Variants in CTNNA3 observed in about 807,000 individuals in gnomAD.
The protein encoded by CTNNA3 is catenin alpha 3.
In CTNNA3, 76 loss-of-function variants were observed where a neutral mutation model predicts 95.7. That is an observed-to-expected ratio of 0.79 (90% CI 0.66 to 0.96). The LOEUF is 0.96. Ranked by LOEUF, CTNNA3 falls within the 40% of genes least tolerant of loss-of-function variation. CTNNA3 has a pLI of 0.00. For synonymous variants in CTNNA3, 431 were observed against 374.4 expected, an observed-to-expected ratio of 1.15 and a Z score of -1.74; for missense variants, 1,191 against 1,089.8, an observed-to-expected ratio of 1.09 and a Z score of -1.31.
At chr10:67,488,166 G>A (rs1848519088) in intron 5 of CTNNA3, among the ~76,000 whole-genome samples, 1 of 152,086 alleles carries the variant, frequency 6.6e-6, no homozygotes, top group African/African-American at 2.4e-5. Context: ...GGAGAGGAAG[G>A]GAAAGACAGG....
chr10:66,024,428 C>T (rs1459316256), intron 15 of CTNNA3, among the ~76,000 whole-genome samples: 1 of 152,116 alleles, frequency 6.6e-6, no homozygotes, highest in Admixed American at 6.6e-5. Context: ...TACCCAAAGT[C>T]GTTGATACAG....
intron 12 of CTNNA3, among the ~76,000 whole-genome samples, chr10:66,282,869 A>G (rs1038298492): frequency 3.3e-5 from 5 of 151,912 alleles, no homozygotes; most frequent in Non-Finnish European, 7.4e-5. Flanking sequence ...TGCAGTAAAT[A>G]AATGATCGAA....
At chr10:67,648,931 T>A in intron 1 of CTNNA3, 1 of 321,672 alleles carries the variant, frequency 3.1e-6, no homozygotes, top group Non-Finnish European at 4.5e-6. Flanking sequence ...TTGATTTTGC[T>A]TTTTCAATCA....
At chr10:66,505,100 G>T (rs946945003) in intron 11 of CTNNA3, among the ~76,000 whole-genome samples, 2 of 152,102 alleles carry the variant, frequency 1.3e-5, no homozygotes, top group African/African-American at 4.8e-5. Context: ...AGGACTCCCA[G>T]TTATGGCTTT....
chr10:66,570,575 C>T (rs1211713334), intron 10 of CTNNA3, among the ~76,000 whole-genome samples: 4 of 152,022 alleles, frequency 2.6e-5, no homozygotes, highest in Non-Finnish European at 4.4e-5. Context: ...GCGTGAGCCA[C>T]CGCACCCAGC....
chr10:66,344,045 G>A (rs1028754617), intron 12 of CTNNA3, among the ~76,000 whole-genome samples: 3 of 151,186 alleles, frequency 2.0e-5, no homozygotes, highest in Non-Finnish European at 3.0e-5. Flanking sequence ...TGACCAACAT[G>A]GTGAAACCCT....
chr10:66,862,684 T>A (rs1843988680), intron 7 of CTNNA3, among the ~76,000 whole-genome samples: 1 of 152,182 alleles, frequency 6.6e-6, no homozygotes, highest in Non-Finnish European at 1.5e-5. Context: ...TAGTAAAAGA[T>A]GAAATTCGAG....
intron 10 of CTNNA3, among the ~76,000 whole-genome samples, chr10:66,610,323 C>A (rs1022769146): frequency 6.6e-6 from 1 of 151,962 alleles, no homozygotes; most frequent in Non-Finnish European, 1.5e-5. Flanking sequence ...CACATGTACC[C>A]CTGAACTTAA....
intron 7 of CTNNA3, among the ~76,000 whole-genome samples, chr10:66,970,742 A>T (rs1480061552): frequency 6.6e-6 from 1 of 152,154 alleles, no homozygotes. Context: ...ATCTCCAGGC[A>T]GAACTATTTC....
chr10:67,638,894 C>G (rs1839420917), intron 2 of CTNNA3, among the ~76,000 whole-genome samples: 2 of 152,040 alleles, frequency 1.3e-5, no homozygotes, highest in Admixed American at 1.3e-4. Flanking sequence ...TAAATGCCCA[C>G]AAGAGAAAGC....
chr10:66,979,434 G>T (rs1180513493), intron 7 of CTNNA3, among the ~76,000 whole-genome samples: 1 of 152,102 alleles, frequency 6.6e-6, no homozygotes, highest in Admixed American at 6.6e-5. Flanking sequence ...TTAAAAGAAA[G>T]AATGAAAAAT....
At chr10:66,926,373 G>T in intron 7 of CTNNA3, 1 of 645,294 alleles carries the variant, frequency 1.5e-6, no homozygotes. Context: ...TGCTGCGAAT[G>T]CGGTGTTGGG....
intron 1 of CTNNA3, among the ~76,000 whole-genome samples, chr10:67,741,343 G>GA (rs1841337332): frequency 7.7e-6 from 1 of 129,246 alleles, no homozygotes; most frequent in East Asian, 2.8e-4. Flanking sequence ...AATAAAAAAA[G>GA]AACAAAAAAA....
At chr10:67,752,268 T>A (rs1290035523) in intron 1 of CTNNA3, among the ~76,000 whole-genome samples, 1 of 152,164 alleles carries the variant, frequency 6.6e-6, no homozygotes, top group African/African-American at 2.4e-5. Context: ...TGATAAAATT[T>A]AACATCCCTT....
intron 17 of CTNNA3, among the ~76,000 whole-genome samples, chr10:65,939,462 A>G (rs2077395187): frequency 6.6e-6 from 1 of 152,162 alleles, no homozygotes. Flanking sequence ...CTGTCTTTAA[A>G]TTCTTATGTT....
chr10:65,949,392 T>C (rs147729767), intron 17 of CTNNA3, among the ~76,000 whole-genome samples: 7 of 152,318 alleles, frequency 4.6e-5, no homozygotes, highest in Non-Finnish European at 1.0e-4. Flanking sequence ...TATATAAATG[T>C]GTCAATAAGA....
chr10:67,524,593 T>C (rs1169325492), intron 4 of CTNNA3, among the ~76,000 whole-genome samples: 1 of 152,150 alleles, frequency 6.6e-6, no homozygotes, highest in Non-Finnish European at 1.5e-5. Context: ...TCAGGAATTA[T>C]ATCCTCCATT....
intron 6 of CTNNA3, among the ~76,000 whole-genome samples, chr10:67,189,143 A>AAC (rs201941088): frequency 0.025 from 1,885 of 76,074 alleles, 44 homozygotes; most frequent in African/African-American, 0.16. Flanking sequence ...CAACAACAAC[A>AAC]AAAAAAAAAA....
intron 1 of CTNNA3, among the ~76,000 whole-genome samples, chr10:67,675,845 C>A (rs930275464): frequency 6.6e-6 from 1 of 151,946 alleles, no homozygotes; most frequent in Non-Finnish European, 1.5e-5. Context: ...TTTTTTCAGT[C>A]TTTTAATTAA....
Sources: allele counts gnomAD v4.1 joint callset (sites outside exome capture counted in the v4.1 genomes callset), GRCh38; gene constraint gnomAD v4.1.1; transcripts MANE v1.5; gene names NCBI Gene and HGNC (gene_info 2026-07-23, HGNC 2026-07-21).